LRRC4C: variants seen among roughly 807,000 people sequenced by gnomAD.
The protein encoded by LRRC4C is leucine rich repeat containing 4C.
Under a neutral mutation model 33.6 loss-of-function variants are expected in LRRC4C, and 5 were observed. That is an observed-to-expected ratio of 0.15 (90% CI 0.08 to 0.31). LRRC4C has a LOEUF of 0.31. Ranked by LOEUF, LRRC4C falls within the 10% of genes least tolerant of loss-of-function variation. The pLI, the probability that LRRC4C is intolerant of heterozygous loss-of-function variation, is 1.00. For synonymous variants in LRRC4C, 329 were observed against 302.0 expected (o/e 1.09, Z -0.93); for missense variants, 560 against 796.7 (o/e 0.70, Z 3.58).
chr11:40,812,036 TATC>T (rs1951514609), intron 2 of LRRC4C, among the ~76,000 whole-genome samples: 1 of 152,230 alleles, frequency 6.6e-6, no homozygotes, highest in South Asian at 2.1e-4. Flanking sequence ...TTATTTCACT[TATC>T]ATCCTTCTCT....
At chr11:40,153,095 T>C (rs192923484) in intron 5 of LRRC4C, among the ~76,000 whole-genome samples, 51 of 152,240 alleles carry the variant, frequency 3.3e-4, no homozygotes, top group African/African-American at 1.2e-3. Flanking sequence ...GAGAGACCCA[T>C]AGACAGTTCA....
At chr11:40,283,049 C>T (rs1469066665) in intron 4 of LRRC4C, among the ~76,000 whole-genome samples, 1 of 152,204 alleles carries the variant, frequency 6.6e-6, no homozygotes, top group Non-Finnish European at 1.5e-5. Context: ...CTTCATACAA[C>T]TGTGAGGCAT....
chr11:40,496,228 A>G (rs1484801380), intron 3 of LRRC4C, among the ~76,000 whole-genome samples: 1 of 151,910 alleles, frequency 6.6e-6, no homozygotes, highest in Non-Finnish European at 1.5e-5. Flanking sequence ...ATTATTTTAG[A>G]TTTGGTTACT....
At chr11:41,192,272 C>T (rs1234227770) in intron 1 of LRRC4C, among the ~76,000 whole-genome samples, 1 of 151,886 alleles carries the variant, frequency 6.6e-6, no homozygotes. Context: ...TTATCTTTTT[C>T]ACTTCTTTTG....
intron 3 of LRRC4C, among the ~76,000 whole-genome samples, chr11:40,578,872 C>T (rs899700150): frequency 1.3e-5 from 2 of 152,154 alleles, no homozygotes; most frequent in African/African-American, 4.8e-5. Flanking sequence ...GAATTTCTAG[C>T]ATCTAGAAGA....
intron 1 of LRRC4C, among the ~76,000 whole-genome samples, chr11:40,977,086 C>A (rs753173311): frequency 6.6e-6 from 1 of 152,046 alleles, no homozygotes; most frequent in Non-Finnish European, 1.5e-5. Context: ...GAGCACAAAA[C>A]CTAGATTGCT....
At chr11:41,258,387 C>T (rs2063953530) in intron 1 of LRRC4C, among the ~76,000 whole-genome samples, 1 of 151,922 alleles carries the variant, frequency 6.6e-6, no homozygotes, top group Non-Finnish European at 1.5e-5. Context: ...ACCACCTACC[C>T]TTCTCTCTGA....
intron 2 of LRRC4C, among the ~76,000 whole-genome samples, chr11:40,847,270 T>C (rs966895925): frequency 3.3e-5 from 5 of 152,210 alleles, no homozygotes; most frequent in African/African-American, 1.2e-4. Context: ...CAATATGATA[T>C]TGGCTGTAGG....
At chr11:40,517,933 A>G (rs990664659) in intron 3 of LRRC4C, among the ~76,000 whole-genome samples, 1 of 152,138 alleles carries the variant, frequency 6.6e-6, no homozygotes, top group Non-Finnish European at 1.5e-5. Flanking sequence ...ATAGAACAGA[A>G]CAGAGGCCTC....
chr11:40,857,985 AAGGGAC>A (rs1329795637), intron 2 of LRRC4C, among the ~76,000 whole-genome samples: 2 of 120,466 alleles, frequency 1.7e-5, no homozygotes, highest in African/African-American at 6.8e-5. Flanking sequence ...GGGAAAGGGA[AAGGGAC>A]AGGGACAGGG....
rs373937804 is a variant in LRRC4C at position 41,233,414 on chromosome 11, G to A, written c.-496+226017C>T. On this transcript the variant is annotated intron_variant, in intron 1 of 6. Coordinates refer to ENST00000528697, the MANE Select transcript of LRRC4C (RefSeq NM_001258419.2). Reference sequence around the variant, plus strand: ...AGTAGCTGAATAGTTACCATTTTAAGATTTTAGTCATAAAAACTCTGCAAT... The same window carrying A: ...AGTAGCTGAATAGTTACCATTTTAAAATTTTAGTCATAAAAACTCTGCAAT... 6.4e-4 allele frequency among the ~76,000 whole-genome samples: 97 copies of A among 151,936 alleles called. 3 individuals carry two copies. The South Asian group carries it at 0.019, about 30-fold the overall frequency.
chr11:40,736,005 T>TG (rs912529031), intron 2 of LRRC4C, among the ~76,000 whole-genome samples: 1 of 138,054 alleles, frequency 7.2e-6, no homozygotes, highest in Admixed American at 7.0e-5. Flanking sequence ...TTGATGGGGT[T>TG]GTTTTTTTCT....
At chr11:40,170,105 A>G (rs1307566720) in intron 5 of LRRC4C, among the ~76,000 whole-genome samples, 1 of 152,214 alleles carries the variant, frequency 6.6e-6, no homozygotes, top group African/African-American at 2.4e-5. Flanking sequence ...TGTGGGTGAT[A>G]ATAGTACTAG....
chr11:41,067,740 G>T (rs749840105), intron 1 of LRRC4C, among the ~76,000 whole-genome samples: 1 of 152,138 alleles, frequency 6.6e-6, no homozygotes. Context: ...TCAAACTCAG[G>T]ATTAAGAAAC....
At chr11:40,636,080 C>T (rs1963936411) in intron 3 of LRRC4C, among the ~76,000 whole-genome samples, 2 of 152,138 alleles carry the variant, frequency 1.3e-5, no homozygotes, top group South Asian at 4.1e-4. Flanking sequence ...CAGCAAAACA[C>T]GAGCCTCTCG....
chr11:41,373,594 G>T (rs1306351777), intron 1 of LRRC4C, among the ~76,000 whole-genome samples: 1 of 152,052 alleles, frequency 6.6e-6, no homozygotes, highest in Non-Finnish European at 1.5e-5. Context: ...AATACTCTCG[G>T]AATATCTCTT....
intron 1 of LRRC4C, among the ~76,000 whole-genome samples, chr11:41,373,990 A>T (rs1952849662): frequency 6.6e-6 from 1 of 152,168 alleles, no homozygotes; most frequent in East Asian, 1.9e-4. Context: ...TAGTAAAAAA[A>T]TTTTCATATC....
At chr11:40,202,012 C>G (rs920972495) in intron 5 of LRRC4C, among the ~76,000 whole-genome samples, 14 of 152,026 alleles carry the variant, frequency 9.2e-5, no homozygotes, top group Admixed American at 3.3e-4. Flanking sequence ...TCACAAAGAT[C>G]TTTGTTCAAA....
At chr11:40,498,038 A>G (rs1954560483) in intron 3 of LRRC4C, among the ~76,000 whole-genome samples, 1 of 152,232 alleles carries the variant, frequency 6.6e-6, no homozygotes, top group South Asian at 2.1e-4. Flanking sequence ...TACAAAAAAT[A>G]TTACATTTAT....
Sources: allele counts gnomAD v4.1 joint callset (sites outside exome capture counted in the v4.1 genomes callset), GRCh38; gene constraint gnomAD v4.1.1; transcripts MANE v1.5; gene names NCBI Gene and HGNC (gene_info 2026-07-23, HGNC 2026-07-21).